The following ZBTB20 variants were observed in gnomAD, a reference collection of about 807,000 sequenced individuals.
ZBTB20 encodes the protein zinc finger and BTB domain-containing protein 20.
Under a neutral mutation model 56.9 loss-of-function variants are expected in ZBTB20, and 9 were observed. The ratio of observed to expected loss-of-function variants is 0.16; its 90% CI spans 0.10 to 0.28. The LOEUF (loss-of-function observed/expected upper bound fraction) is 0.28, where lower values mean the gene tolerates loss of function less well. Ranked by LOEUF, ZBTB20 falls within the 10% of genes least tolerant of loss-of-function variation. The pLI, the probability that ZBTB20 is intolerant of heterozygous loss-of-function variation, is 1.00. For missense variants in ZBTB20, 655 were observed against 1,003.0 expected, an observed-to-expected ratio of 0.65 and a Z score of 4.69; for synonymous variants, 417 against 420.7, an observed-to-expected ratio of 0.99 and a Z score of 0.11.
At chr3:114,767,539 AAGGAC>A (rs753602083) in intron 5 of ZBTB20, among the ~76,000 whole-genome samples, 5 of 151,834 alleles carry the variant, frequency 3.3e-5, no homozygotes, top group Non-Finnish European at 5.9e-5. Flanking sequence ...GGAAAGATGG[AAGGAC>A]AGAAGAAAGG....
intron 5 of ZBTB20, among the ~76,000 whole-genome samples, chr3:114,732,016 T>C (rs1053838015): frequency 3.3e-5 from 5 of 152,204 alleles, no homozygotes; most frequent in Non-Finnish European, 5.9e-5. Context: ...TCACATATTG[T>C]AGACATCATT....
intron 1 of ZBTB20, among the ~76,000 whole-genome samples, chr3:115,143,855 A>G (rs1339090349): frequency 6.6e-6 from 1 of 152,218 alleles, no homozygotes; most frequent in East Asian, 1.9e-4. Flanking sequence ...GCCAACTGGT[A>G]AACACCTTCC....
intron 6 of ZBTB20, among the ~76,000 whole-genome samples, chr3:114,538,932 G>A (rs2048790833): frequency 6.6e-6 from 1 of 152,158 alleles, no homozygotes; most frequent in Non-Finnish European, 1.5e-5. Flanking sequence ...CTCATCGGGG[G>A]TTGGCATTCT....
chr3:114,391,601 A>C (rs1237258239), intron 7 of ZBTB20, among the ~76,000 whole-genome samples: 3 of 152,252 alleles, frequency 2.0e-5, no homozygotes, highest in Non-Finnish European at 4.4e-5. Context: ...AAGCTGAGAC[A>C]ATTTTTACTC....
chr3:114,584,883 C>G (rs770909831), intron 6 of ZBTB20, among the ~76,000 whole-genome samples: 2 of 152,038 alleles, frequency 1.3e-5, no homozygotes, highest in Non-Finnish European at 2.9e-5. Flanking sequence ...AGACCTGAAG[C>G]GTCTAGAAAG....
Position 115,091,040 on chromosome 3 carries a change from T to C in ZBTB20, c.-702-19626A>G, listed in dbSNP as rs141498304. On this transcript the variant is annotated intron_variant, in intron 1 of 11. Transcript: ENST00000675478. Reference sequence around the variant, plus strand: ...CTGTGGGTTCATCTTACTATATAAGTTCATTGTACTTTATTTATTATATGG... The same window carrying C: ...CTGTGGGTTCATCTTACTATATAAGCTCATTGTACTTTATTTATTATATGG... 5.2e-3 allele frequency among the ~76,000 whole-genome samples: 788 copies of C among 152,036 alleles called. 9 individuals carry two copies. Among genetic ancestry groups the C allele is most frequent in the African/African-American group, 0.018 (730 of 41,520 alleles).
intron 4 of ZBTB20, among the ~76,000 whole-genome samples, chr3:114,856,799 G>C (rs2075275873): frequency 6.6e-6 from 1 of 152,140 alleles, no homozygotes; most frequent in African/African-American, 2.4e-5. Flanking sequence ...CATCTTGTCA[G>C]GGGAGAAGGT....
chr3:114,619,579 C>T (rs1221402442), intron 6 of ZBTB20, among the ~76,000 whole-genome samples: 1 of 151,908 alleles, frequency 6.6e-6, no homozygotes, highest in Non-Finnish European at 1.5e-5. Flanking sequence ...AGCACAATAC[C>T]ATCTAGGGTG....
At chr3:114,868,086 A>G (rs935536144) in intron 4 of ZBTB20, among the ~76,000 whole-genome samples, 1 of 152,196 alleles carries the variant, frequency 6.6e-6, no homozygotes, top group Non-Finnish European at 1.5e-5. Context: ...TCTAAGCTAA[A>G]AAACAAGGAA....
chr3:114,525,482 T>G (rs1413911609), intron 6 of ZBTB20, among the ~76,000 whole-genome samples: 1 of 152,094 alleles, frequency 6.6e-6, no homozygotes, highest in African/African-American at 2.4e-5. Context: ...TTATGTCTAT[T>G]CCCCACATAC....
intron 1 of ZBTB20, chr3:115,102,489 G>A (rs1419245281): frequency 1.3e-5 from 2 of 151,846 alleles, no homozygotes; most frequent in Non-Finnish European, 2.9e-5. Flanking sequence ...TTAGATATTT[G>A]TATTTTCTGA....
intron 6 of ZBTB20, chr3:114,658,202 T>C (rs2060519318): frequency 6.6e-6 from 1 of 152,162 alleles, no homozygotes; most frequent in African/African-American, 2.4e-5. Flanking sequence ...TAAAGAAAAC[T>C]ACCTTAATGA....
chr3:114,651,800 CTTG>C (rs2060149653), intron 6 of ZBTB20, among the ~76,000 whole-genome samples: 1 of 152,010 alleles, frequency 6.6e-6, no homozygotes, highest in Non-Finnish European at 1.5e-5. Flanking sequence ...TGTATCTGGG[CTTG>C]TTAATTAGAT....
intron 7 of ZBTB20, among the ~76,000 whole-genome samples, chr3:114,394,035 C>T (rs1304255054): frequency 1.3e-5 from 2 of 152,128 alleles, no homozygotes; most frequent in African/African-American, 2.4e-5. Flanking sequence ...CACACCACAT[C>T]GTTCTAAAAT....
At chr3:114,988,480 T>C (rs1361177453) in intron 2 of ZBTB20, among the ~76,000 whole-genome samples, 1 of 152,078 alleles carries the variant, frequency 6.6e-6, no homozygotes, top group East Asian at 1.9e-4. Context: ...TGTGCCACAT[T>C]TTCTTAATCC....
At chr3:114,418,635 C>T (rs1410441052) in intron 7 of ZBTB20, among the ~76,000 whole-genome samples, 4 of 151,002 alleles carry the variant, frequency 2.6e-5, no homozygotes, top group Admixed American at 2.0e-4. Context: ...GATACAGTTT[C>T]CCAAGGGAAG....
chr3:114,486,750 G>T (rs1041235302), intron 7 of ZBTB20, among the ~76,000 whole-genome samples: 1 of 152,134 alleles, frequency 6.6e-6, no homozygotes, highest in African/African-American at 2.4e-5. Flanking sequence ...AATTAGAGGT[G>T]AGAATTATTC....
At chr3:114,508,731 G>T (rs1483884732) in intron 6 of ZBTB20, among the ~76,000 whole-genome samples, 8 of 151,622 alleles carry the variant, frequency 5.3e-5, no homozygotes, top group African/African-American at 1.7e-4. Flanking sequence ...GAGAGAGAAA[G>T]AAATGTAGTT....
intron 7 of ZBTB20, among the ~76,000 whole-genome samples, chr3:114,499,433 A>G (rs1273497405): frequency 1.3e-5 from 2 of 152,250 alleles, no homozygotes; most frequent in African/African-American, 4.8e-5. Flanking sequence ...ATAATACAAG[A>G]AATACCTTGG....
Sources: allele counts gnomAD v4.1 joint callset (sites outside exome capture counted in the v4.1 genomes callset), GRCh38; gene constraint gnomAD v4.1.1; transcripts MANE v1.5; gene names NCBI Gene and HGNC (gene_info 2026-07-23, HGNC 2026-07-21).